SLC2A13: variants seen among roughly 807,000 people sequenced by gnomAD.
The protein encoded by SLC2A13 is solute carrier family 2 member 13.
Under a neutral mutation model 64.4 loss-of-function variants are expected in SLC2A13, and 32 were observed. That is an observed-to-expected ratio of 0.50 (90% CI 0.37 to 0.67). The LOEUF (loss-of-function observed/expected upper bound fraction) is 0.67, where lower values mean the gene tolerates loss of function less well. SLC2A13 is among the 30% of genes least tolerant of loss of function. The pLI is 0.00. For synonymous variants in SLC2A13, 338 were observed against 327.1 expected (o/e 1.03, Z -0.36); for missense variants, 743 against 829.2 (o/e 0.90, Z 1.28).
intron 3 of SLC2A13, among the ~76,000 whole-genome samples, chr12:40,021,284 T>C (rs1455589369): frequency 2.0e-5 from 3 of 152,218 alleles, no homozygotes; most frequent in Admixed American, 1.3e-4. Context: ...CATTTTAATG[T>C]AAAATCCAAG....
chr12:40,075,930 TTC>T (rs1310531396), intron 1 of SLC2A13, among the ~76,000 whole-genome samples: 2 of 152,202 alleles, frequency 1.3e-5, no homozygotes, highest in Non-Finnish European at 2.9e-5. Flanking sequence ...GTACGTGTTT[TTC>T]TGTTGAGAAC....
At chr12:39,896,260 A>T (rs1033068449) in intron 4 of SLC2A13, among the ~76,000 whole-genome samples, 1 of 94,806 alleles carries the variant, frequency 1.1e-5, no homozygotes, top group Non-Finnish European at 2.4e-5. Flanking sequence ...ATGTATGTAT[A>T]TGTGTGTATA....
intron 1 of SLC2A13, among the ~76,000 whole-genome samples, chr12:40,091,895 G>A (rs964531057): frequency 2.0e-5 from 3 of 152,158 alleles, no homozygotes; most frequent in African/African-American, 7.2e-5. Flanking sequence ...TAAGCAGCAG[G>A]AATTACGTTT....
At chr12:39,802,746 G>A (rs537343972) in intron 7 of SLC2A13, among the ~76,000 whole-genome samples, 19 of 152,176 alleles carry the variant, frequency 1.2e-4, no homozygotes, top group African/African-American at 4.6e-4. Context: ...GATAAAGATA[G>A]ATATGAATAT....
At chr12:39,929,107 T>C (rs978394913) in intron 4 of SLC2A13, among the ~76,000 whole-genome samples, 7 of 152,156 alleles carry the variant, frequency 4.6e-5, no homozygotes, top group Non-Finnish European at 8.8e-5. Flanking sequence ...TGAAAATTTA[T>C]GGCATTAAAA....
At chr12:40,054,292 T>A (rs1173706376) in intron 1 of SLC2A13, among the ~76,000 whole-genome samples, 1 of 152,150 alleles carries the variant, frequency 6.6e-6, no homozygotes, top group Admixed American at 6.5e-5. Flanking sequence ...ATGATTTAAA[T>A]ATTTAAAGTT....
intron 3 of SLC2A13, among the ~76,000 whole-genome samples, chr12:39,979,986 C>T (rs1946857646): frequency 6.7e-6 from 1 of 150,330 alleles, no homozygotes; most frequent in African/African-American, 2.4e-5. Context: ...CGGCAGAAAC[C>T]CTACAAGCCA....
At chr12:39,802,455 T>C (rs947002010) in intron 7 of SLC2A13, 2 of 151,820 alleles carry the variant, frequency 1.3e-5, no homozygotes, top group African/African-American at 4.8e-5. Flanking sequence ...TGGCGGGAAA[T>C]GATGCCGAGA....
intron 7 of SLC2A13, among the ~76,000 whole-genome samples, chr12:39,816,686 T>A (rs1942351132): frequency 6.6e-6 from 1 of 152,090 alleles, no homozygotes; most frequent in Non-Finnish European, 1.5e-5. Flanking sequence ...ACTTAATTTT[T>A]AAAAATAAAA....
At chr12:40,009,055 C>A (rs1313756478) in intron 3 of SLC2A13, among the ~76,000 whole-genome samples, 1 of 152,124 alleles carries the variant, frequency 6.6e-6, no homozygotes, top group Non-Finnish European at 1.5e-5. Flanking sequence ...AAACAAGTAA[C>A]TTAATAATAC....
Position 40,028,434 on chromosome 12 carries a change from T to C in SLC2A13, c.792A>G (p.Arg264=). 1 of 1,613,986 alleles carries C rather than the reference T, an allele frequency of 6.2e-7. No homozygotes were observed. Among genetic ancestry groups the C allele is most frequent in the South Asian group, 1.1e-5 (1 of 91,072 alleles). ...GAGTCTGTCCTTTCTGAATAAGCCA[T>C]CGAGGGCTTTCAGGCAAAAAGAGAA... The part of the protein sequence containing the change: ...FGFLFLPESP[R]WLIQKGQTQK... Residue 264 remains arginine, a synonymous_variant, in exon 3 of 10, where the codon CGA becomes CGG. Coordinates refer to ENST00000280871, the MANE Select transcript of SLC2A13 (RefSeq NM_052885.4).
At chr12:39,929,885 C>A (rs2136069965) in intron 4 of SLC2A13, among the ~76,000 whole-genome samples, 1 of 152,174 alleles carries the variant, frequency 6.6e-6, no homozygotes, top group South Asian at 2.1e-4. Flanking sequence ...AATCCCAGCA[C>A]TTTGGGATGC....
chr12:40,082,964 C>T (rs1439152093), intron 1 of SLC2A13, among the ~76,000 whole-genome samples: 1 of 152,090 alleles, frequency 6.6e-6, no homozygotes, highest in African/African-American at 2.4e-5. Flanking sequence ...ACTCTCAATA[C>T]CTTCTTTCTG....
At position 40,106,072 on chromosome 12, in the gene SLC2A13, C is replaced by G; in HGVS notation, c.-264G>C. 3.1e-6 allele frequency: 1 copy of G among 325,250 alleles called. No homozygotes were observed. Among genetic ancestry groups the G allele is most frequent in the Non-Finnish European group, 5.5e-6 (1 of 183,366 alleles). 20.1% of individuals were successfully genotyped at this position (325,250 alleles called of 1,614,324 possible). Reference sequence around the variant, plus strand: ...CCCCGCGCCTGCCGAGCTGGCGCTGCGGAGCGGGCGGGAGGCGGGACCGCG... The same window carrying G: ...CCCCGCGCCTGCCGAGCTGGCGCTGGGGAGCGGGCGGGAGGCGGGACCGCG... On this transcript the variant is annotated 5_prime_UTR_variant, in exon 1 of 10. Coordinates refer to ENST00000280871, the MANE Select transcript of SLC2A13 (RefSeq NM_052885.4).
At chr12:39,964,471 A>G (rs1946471139) in intron 3 of SLC2A13, among the ~76,000 whole-genome samples, 1 of 152,232 alleles carries the variant, frequency 6.6e-6, no homozygotes, top group South Asian at 2.1e-4. Flanking sequence ...TGCCATTCCT[A>G]AAATAGATAA....
Position 39,759,029 on chromosome 12 carries a change from A to G in SLC2A13, c.*997T>C, listed in dbSNP as rs1001245846. The G allele has an allele frequency of 2.4e-4, 37 of 152,518 alleles. No homozygotes were observed. The highest frequency in any genetic ancestry group is 8.2e-4 in the African/African-American group (34 of 41,552). 9.4% of individuals were successfully genotyped at this position (152,518 alleles called of 1,614,324 possible). On this transcript the variant is annotated 3_prime_UTR_variant, in exon 10 of 10. Transcript: ENST00000280871. ...CTTCCTCTTTTTTGTTTCAAAAATT[A>G]TTGTTTGAATAAAAGAAAGGGGAAA...
chr12:40,105,041 G>A lies in SLC2A13; in HGVS notation c.556+212C>T, dbSNP rs577935164. ...CCACGTGCGCTCGAGGGAGACTAGA[G>A]TGACACCCCCTCCCCCCCGACCCTC... On this transcript the variant is annotated intron_variant, in intron 1 of 9. Coordinates refer to ENST00000280871, the MANE Select transcript of SLC2A13 (RefSeq NM_052885.4). This position sits in a 1 kb window ranked among gnomAD's most constrained non-coding sequence, Gnocchi z 4.2. Among the ~76,000 whole-genome samples the A allele has an allele frequency of 3.9e-5, 6 of 152,328 alleles. No individual in the cohort carries two copies. Among genetic ancestry groups the A allele is most frequent in the South Asian group, 4.1e-4 (2 of 4,828 alleles).
intron 3 of SLC2A13, among the ~76,000 whole-genome samples, chr12:39,990,663 C>G (rs1212104725): frequency 6.6e-6 from 1 of 152,146 alleles, no homozygotes; most frequent in African/African-American, 2.4e-5. Context: ...TCTAGGGCTA[C>G]GACTAGGTGG....
At chr12:40,066,745 G>A (rs1937741880) in intron 1 of SLC2A13, among the ~76,000 whole-genome samples, 1 of 152,120 alleles carries the variant, frequency 6.6e-6, no homozygotes, top group South Asian at 2.1e-4. Context: ...AGATTGCTTT[G>A]GGTTTGTCAG....
Sources: allele counts gnomAD v4.1 joint callset (sites outside exome capture counted in the v4.1 genomes callset), GRCh38; gene constraint gnomAD v4.1.1; non-coding constraint Gnocchi (gnomAD v3.1); transcripts MANE v1.5; gene names NCBI Gene and HGNC (gene_info 2026-07-23, HGNC 2026-07-21).